The following ACSM1 variants were observed in gnomAD, a reference collection of about 807,000 sequenced individuals.
ACSM1 encodes the protein acyl-CoA synthetase medium chain family member 1.
A neutral mutation model predicts 75.8 loss-of-function variants in ACSM1; 79 were observed. The observed-to-expected ratio is 1.04, with a 90% CI of 0.87 to 1.26. ACSM1 has a LOEUF of 1.26. Ranked by LOEUF, ACSM1 falls within the 50% of genes most tolerant of loss-of-function variation. ACSM1 has a pLI of 0.00. For synonymous variants in ACSM1, 279 were observed against 265.8 expected, an observed-to-expected ratio of 1.05 and a Z score of -0.48; for missense variants, 676 against 720.1, an observed-to-expected ratio of 0.94 and a Z score of 0.70.
At chr16:20,671,748 T>C (rs2019922190) in intron 4 of ACSM1, 77 bp from the exon 5 acceptor site, 1 of 1,417,622 alleles carries the variant, frequency 7.1e-7, no homozygotes, top group Non-Finnish European at 9.3e-7. Flanking sequence ...AAAAGAAACA[T>C]AAGGCACGGA....
intron 1 of ACSM1, among the ~76,000 whole-genome samples, chr16:20,697,129 G>C (rs2079693944): frequency 1.3e-5 from 2 of 152,154 alleles, no homozygotes; most frequent in Admixed American, 6.5e-5. Context: ...CTGGAGTGCA[G>C]TGGTGTGATC....
In ACSM1 at chr16:20,646,175, G is replaced by A. The variant is rs147673326; in HGVS notation, c.993-5591C>T. Among the ~76,000 whole-genome samples, 11 of 152,270 alleles carry A rather than the reference G, an allele frequency of 7.2e-5. No individual in the cohort carries two copies. In the East Asian group the frequency reaches 1.9e-3, roughly 27 times the overall value. ...AGCCTTCAGGCAAGTGAACTTTGGA[G>A]GCTCTGAAAAAGGAAAAGGCTGGGC... is the stretch of plus-strand genomic sequence containing the variant. On this transcript the variant is annotated intron_variant, in intron 7 of 13. Transcript: ENST00000520010.
intron 3 of ACSM1, among the ~76,000 whole-genome samples, chr16:20,683,356 G>C (rs948243261): frequency 6.6e-6 from 1 of 151,928 alleles, no homozygotes; most frequent in Non-Finnish European, 1.5e-5. Flanking sequence ...TTGGACTTCT[G>C]ACCACAAGTG....
intron 7 of ACSM1, among the ~76,000 whole-genome samples, chr16:20,642,472 A>G (rs985428420): frequency 6.6e-6 from 1 of 152,218 alleles, no homozygotes; most frequent in Admixed American, 6.5e-5. Context: ...GTGGTGGTAT[A>G]CAAAATTCTA....
At position 20,691,245 on chromosome 16, in the gene ACSM1, G is replaced by T; in HGVS notation, c.-51-6C>A. On this transcript the variant is annotated splice_polypyrimidine_tract_variant and splice_region_variant and intron_variant, in intron 1 of 13. Transcript: ENST00000520010. ...GTTCTCAAGTCACCACCTGCCTTGGGAAGAGATGGCTAATAGATTGGCTGT... is the reference window on the plus strand; with the variant it reads ...GTTCTCAAGTCACCACCTGCCTTGGTAAGAGATGGCTAATAGATTGGCTGT... 7.1e-7 allele frequency: 1 copy of T among 1,414,852 alleles called. No individual in the cohort carries two copies. Among genetic ancestry groups the T allele is most frequent in the Non-Finnish European group, 9.4e-7 (1 of 1,059,762 alleles). The allele number at this position is 1,414,852 out of a possible 1,614,324, so 87.6% of individuals were successfully genotyped here.
intron 6 of ACSM1, among the ~76,000 whole-genome samples, chr16:20,668,678 G>C (rs1402152457): frequency 6.6e-6 from 1 of 152,094 alleles, no homozygotes; most frequent in Admixed American, 6.6e-5. Context: ...TGGAGGTGAA[G>C]GAAATTGCTT....
At chr16:20,658,783 A>G (rs1333888049) in intron 7 of ACSM1, among the ~76,000 whole-genome samples, 1 of 152,194 alleles carries the variant, frequency 6.6e-6, no homozygotes. Context: ...AGGATGCTAT[A>G]CCTATGGAGA....
chr16:20,624,743 G>A lies in ACSM1; in HGVS notation c.1528-528C>T, dbSNP rs1011092172. Among the ~76,000 whole-genome samples, 6 of 151,918 alleles carry A rather than the reference G, an allele frequency of 3.9e-5. No individual in the cohort carries two copies. In the East Asian group the frequency reaches 1.2e-3, roughly 29 times the overall value. ...GAGTTTCATTCTTGTCGCCCAGACT[G>A]GCGTGCAGTGGTGTGATCTTGGCTC... On this transcript the variant is annotated intron_variant, in intron 12 of 13. Transcript: ENST00000520010.
intron 8 of ACSM1, among the ~76,000 whole-genome samples, chr16:20,637,824 T>A (rs2017816215): frequency 6.6e-6 from 1 of 152,196 alleles, no homozygotes; most frequent in African/African-American, 2.4e-5. Flanking sequence ...CACTAGTCTA[T>A]CTAACAAACA....
chr16:20,677,028 G>C (rs1435441748), intron 4 of ACSM1, among the ~76,000 whole-genome samples: 1 of 151,934 alleles, frequency 6.6e-6, no homozygotes, highest in Admixed American at 6.6e-5. Flanking sequence ...AGGAAAGATG[G>C]CTTAGTAGTA....
chr16:20,688,635 A>G (rs1409876203), intron 2 of ACSM1, among the ~76,000 whole-genome samples: 2 of 152,106 alleles, frequency 1.3e-5, no homozygotes, highest in African/African-American at 4.8e-5. Context: ...AAAGGGCTTA[A>G]AGAAAAAAAA....
At chr16:20,657,648 G>A (rs2019052492) in intron 7 of ACSM1, among the ~76,000 whole-genome samples, 1 of 151,890 alleles carries the variant, frequency 6.6e-6, no homozygotes, top group Non-Finnish European at 1.5e-5. Flanking sequence ...GGGTACATGT[G>A]CACAACGTGC....
intron 4 of ACSM1, among the ~76,000 whole-genome samples, chr16:20,672,894 A>T (rs1338803236): frequency 1.5e-5 from 2 of 130,732 alleles, no homozygotes; most frequent in Non-Finnish European, 3.1e-5. Context: ...TATAATATAT[A>T]ATAAATATAA....
At chr16:20,664,855 G>A (rs2019485260) in intron 6 of ACSM1, among the ~76,000 whole-genome samples, 2 of 152,084 alleles carry the variant, frequency 1.3e-5, no homozygotes, top group South Asian at 2.1e-4. Flanking sequence ...CAAGATCACT[G>A]AAAACCATAT....
intron 4 of ACSM1, among the ~76,000 whole-genome samples, chr16:20,674,288 T>G (rs2020134276): frequency 6.6e-6 from 1 of 152,222 alleles, no homozygotes; most frequent in African/African-American, 2.4e-5. Context: ...ACCCTGTTTC[T>G]CTAGCTGTGC....
chr16:20,678,666 C>T (rs143163714), intron 4 of ACSM1, among the ~76,000 whole-genome samples: 84 of 152,306 alleles, frequency 5.5e-4, no homozygotes, highest in African/African-American at 1.9e-3. Flanking sequence ...AATGGACCAA[C>T]ATTTGTGGCT....
At chr16:20,632,132 A>G (rs1002480741) in intron 10 of ACSM1, among the ~76,000 whole-genome samples, 2 of 152,212 alleles carry the variant, frequency 1.3e-5, no homozygotes, top group African/African-American at 4.8e-5. Context: ...TCTTTAGCAC[A>G]TACGTTAAAA....
At chr16:20,653,321 G>T (rs1295937576) in intron 7 of ACSM1, among the ~76,000 whole-genome samples, 1 of 152,154 alleles carries the variant, frequency 6.6e-6, no homozygotes, top group African/African-American at 2.4e-5. Context: ...AAAACTGGAA[G>T]CATTCCCTTT....
intron 8 of ACSM1, among the ~76,000 whole-genome samples, chr16:20,639,011 A>AT (rs2017899421): frequency 6.6e-6 from 1 of 152,164 alleles, no homozygotes; most frequent in Non-Finnish European, 1.5e-5. Flanking sequence ...ATTGCTATAT[A>AT]TTTTTTACAA....
Sources: gnomAD v4.1 joint callset for allele counts (sites outside exome capture counted in the v4.1 genomes callset) on GRCh38, gnomAD v4.1.1 for gene constraint, MANE v1.5 for transcripts, NCBI Gene and HGNC (gene_info 2026-07-23, HGNC 2026-07-21) for gene names.